The following SLIT2 variants were observed in gnomAD, a reference collection of about 807,000 sequenced individuals.
The protein encoded by SLIT2 is slit homolog 2 protein.
SLIT2 carries 41 observed loss-of-function variants against 185.7 expected under a neutral mutation model. That is an observed-to-expected ratio of 0.22 (90% CI 0.17 to 0.29). The LOEUF is 0.29. Among genes scored for constraint, SLIT2 ranks in the 10% least tolerant of loss-of-function variants. The pLI, the probability that SLIT2 is intolerant of heterozygous loss-of-function variation, is 1.00. For missense variants in SLIT2, 1,571 were observed against 1,909.0 expected (o/e 0.82, Z 3.30); for synonymous variants, 693 against 680.2 (o/e 1.02, Z -0.29).
chr4:20,369,743 A>G (rs1312818998), intron 4 of SLIT2, among the ~76,000 whole-genome samples: 2 of 152,188 alleles, frequency 1.3e-5, no homozygotes, highest in Admixed American at 6.5e-5. Flanking sequence ...TGCTGTATAT[A>G]AAAAGGTAGC....
Position 20,595,839 on chromosome 4 carries a change from A to C in SLIT2, c.3320+5A>C. ...CATATGCCCCGAAGGTTACAGGTAAAAGCAGAAATGAATAAGACCTAGTGT... is the reference window on the plus strand; with the variant it reads ...CATATGCCCCGAAGGTTACAGGTAACAGCAGAAATGAATAAGACCTAGTGT... On this transcript the variant is annotated splice_donor_5th_base_variant and intron_variant, in intron 31 of 36. Coordinates refer to ENST00000504154, the MANE Select transcript of SLIT2 (RefSeq NM_004787.4). 6.2e-7 allele frequency: 1 copy of C among 1,612,860 alleles called. No homozygotes were observed. The highest frequency in any genetic ancestry group is 8.5e-7 in the Non-Finnish European group (1 of 1,178,982).
At chr4:20,612,659 C>T (rs4697172) in intron 34 of SLIT2, among the ~76,000 whole-genome samples, 46,996 of 151,876 alleles carry the variant, frequency 0.31, 7,395 homozygotes, top group East Asian at 0.48. Flanking sequence ...GGCTCACGTC[C>T]GTAATCCCAG....
chr4:20,381,384 C>A (rs1724498599), intron 4 of SLIT2, among the ~76,000 whole-genome samples: 1 of 152,050 alleles, frequency 6.6e-6, no homozygotes, highest in South Asian at 2.1e-4. Flanking sequence ...TTGTCAGAAA[C>A]TACACAAGCC....
chr4:20,472,246 C>CGATATATATCTA (rs1715141556), intron 5 of SLIT2, among the ~76,000 whole-genome samples: 1 of 39,666 alleles, frequency 2.5e-5, no homozygotes, highest in African/African-American at 9.7e-5. Context: ...ATCTATATAT[C>CGATATATATCTA]TATATATAGA....
At chr4:20,289,785 G>A (rs764827748) in intron 4 of SLIT2, among the ~76,000 whole-genome samples, 20 of 152,190 alleles carry the variant, frequency 1.3e-4, no homozygotes, top group Non-Finnish European at 2.5e-4. Flanking sequence ...AAGGGAGAGA[G>A]GGGAGGAGGG....
At chr4:20,515,974 C>G (rs1720173901) in intron 11 of SLIT2, among the ~76,000 whole-genome samples, 1 of 152,148 alleles carries the variant, frequency 6.6e-6, no homozygotes, top group African/African-American at 2.4e-5. Flanking sequence ...TGCTACCACA[C>G]TCGGCTAATT....
chr4:20,520,931 T>C (rs1278355472), intron 12 of SLIT2, among the ~76,000 whole-genome samples: 1 of 152,224 alleles, frequency 6.6e-6, no homozygotes, highest in Non-Finnish European at 1.5e-5. Flanking sequence ...ATTTCTGTTA[T>C]TAAATATTGC....
At chr4:20,542,751 A>G in intron 21 of SLIT2, 125 bp downstream of exon 21, 1 of 1,030,768 alleles carries the variant, frequency 9.7e-7, no homozygotes, top group Non-Finnish European at 1.4e-6. Flanking sequence ...CCAGTTAATT[A>G]TTATCCTGTA....
intron 4 of SLIT2, among the ~76,000 whole-genome samples, chr4:20,288,182 A>AG (rs1051739308): frequency 6.6e-6 from 1 of 152,208 alleles, no homozygotes; most frequent in African/African-American, 2.4e-5. Context: ...ATTTAAAAAA[A>AG]CAGTGTGTGA....
At chr4:20,365,536 C>A (rs908803577) in intron 4 of SLIT2, among the ~76,000 whole-genome samples, 3 of 152,122 alleles carry the variant, frequency 2.0e-5, no homozygotes, top group African/African-American at 4.8e-5. Context: ...TCCTTCCCCC[C>A]ACCCTCCCGT....
chr4:20,576,582 T>C (rs550833376), intron 29 of SLIT2, among the ~76,000 whole-genome samples: 1 of 152,280 alleles, frequency 6.6e-6, no homozygotes, highest in South Asian at 2.1e-4. Flanking sequence ...GTCGTTATAG[T>C]TGCGGACACA....
In SLIT2 at chr4:20,472,254, AGATC is replaced by A. The variant is rs1409149451; in HGVS notation, c.467+4432_467+4435del. ...TATATAGATCTATATATCTATATATAGATCTATATATAGATATATATCTATATAT... is the reference window on the plus strand; with the variant it reads ...TATATAGATCTATATATCTATATATATATATATAGATATATATCTATATAT... On this transcript the variant is annotated intron_variant, in intron 5 of 36. Transcript: ENST00000504154. Among the ~76,000 whole-genome samples the A allele has an allele frequency of 7.5e-4, 13 of 17,442 alleles. 2 individuals are homozygous for A. The East Asian group carries it at 8.5e-3, about 11-fold the overall frequency. 11.4% of individuals were successfully genotyped at this position (17,442 alleles called of 152,430 possible).
At chr4:20,375,100 A>G (rs1488438353) in intron 4 of SLIT2, among the ~76,000 whole-genome samples, 3 of 152,134 alleles carry the variant, frequency 2.0e-5, no homozygotes, top group Non-Finnish European at 4.4e-5. Flanking sequence ...ATTTTAAATA[A>G]TTAGTCACAA....
intron 4 of SLIT2, among the ~76,000 whole-genome samples, chr4:20,330,482 AT>A (rs1233180787): frequency 5.3e-5 from 8 of 152,140 alleles, no homozygotes; most frequent in African/African-American, 1.2e-4. Flanking sequence ...GTTATTTTTC[AT>A]TTGAGTGGTA....
chr4:20,508,440 G>T (rs1228277530), intron 9 of SLIT2, among the ~76,000 whole-genome samples: 1 of 151,802 alleles, frequency 6.6e-6, no homozygotes, highest in Non-Finnish European at 1.5e-5. Context: ...AGGAAATAGG[G>T]TATTTTTCAA....
At chr4:20,317,681 C>A (rs1718718421) in intron 4 of SLIT2, among the ~76,000 whole-genome samples, 1 of 152,022 alleles carries the variant, frequency 6.6e-6, no homozygotes. Context: ...AGGCCTAGGG[C>A]TTGTTCCTGT....
At chr4:20,564,483 T>C (rs766303900) in intron 26 of SLIT2, among the ~76,000 whole-genome samples, 53 of 152,058 alleles carry the variant, frequency 3.5e-4, no homozygotes, top group Middle Eastern at 3.4e-3. Flanking sequence ...AGGAGGCTGC[T>C]ATGTGGAATT....
At chr4:20,351,153 A>T (rs1184148659) in intron 4 of SLIT2, among the ~76,000 whole-genome samples, 2 of 151,962 alleles carry the variant, frequency 1.3e-5, no homozygotes, top group East Asian at 3.9e-4. Flanking sequence ...GGTTCAAGCA[A>T]TTCTCCTGCT....
chr4:20,301,297 C>T (rs1392121026), intron 4 of SLIT2, among the ~76,000 whole-genome samples: 1 of 152,028 alleles, frequency 6.6e-6, no homozygotes, highest in Non-Finnish European at 1.5e-5. Context: ...AAGAGATAAG[C>T]ATGTTACTGG....
Sources: allele counts gnomAD v4.1 joint callset (sites outside exome capture counted in the v4.1 genomes callset), GRCh38; gene constraint gnomAD v4.1.1; transcripts MANE v1.5; gene names NCBI Gene and HGNC (gene_info 2026-07-23, HGNC 2026-07-21).